Variants in KIAA1217 observed in about 807,000 individuals in gnomAD.
KIAA1217 encodes the protein sickle tail protein homolog.
A neutral mutation model predicts 163.9 loss-of-function variants in KIAA1217; 88 were observed. That is an observed-to-expected ratio of 0.54 (90% CI 0.45 to 0.64). The LOEUF (loss-of-function observed/expected upper bound fraction) is 0.64, where lower values mean the gene tolerates loss of function less well. Among genes scored for constraint, KIAA1217 ranks in the 30% least tolerant of loss-of-function variants. The pLI is 0.00. For missense variants in KIAA1217, 2,372 were observed against 2,475.0 expected (o/e 0.96, Z 0.88); for synonymous variants, 903 against 923.1 (o/e 0.98, Z 0.39).
chr10:24,414,538 A>G (rs1315670141), intron 3 of KIAA1217, among the ~76,000 whole-genome samples: 1 of 152,186 alleles, frequency 6.6e-6, no homozygotes, highest in Non-Finnish European at 1.5e-5. Flanking sequence ...TTGGAAAGCC[A>G]ACAATTGTCG....
In KIAA1217 at chr10:24,514,854, T is replaced by C. The variant is rs940253054; in HGVS notation, c.2177+1420T>C. Among the ~76,000 whole-genome samples, 13 of 151,340 alleles carry C rather than the reference T, an allele frequency of 8.6e-5. 1 individual carries two copies. The highest frequency in any genetic ancestry group is 1.9e-4 in the African/African-American group (8 of 41,376). ...AAAATACAAAAAAAATAGCTGGCCA[T>C]TGTGGTGTGTGCCTGTAGTCCCAGC... is the stretch of plus-strand genomic sequence containing the variant. On this transcript the variant is annotated intron_variant, in intron 10 of 20. Coordinates refer to ENST00000376454, the MANE Select transcript of KIAA1217 (RefSeq NM_019590.5).
chr10:23,951,661 C>T (rs1449807838), intron 1 of KIAA1217, among the ~76,000 whole-genome samples: 10 of 147,654 alleles, frequency 6.8e-5, no homozygotes, highest in African/African-American at 2.2e-4. Flanking sequence ...AGCAAGAGGA[C>T]GATTCCAGCT....
chr10:24,469,632 G>A (rs2132909152), intron 5 of KIAA1217, among the ~76,000 whole-genome samples: 1 of 151,962 alleles, frequency 6.6e-6, no homozygotes, highest in African/African-American at 2.4e-5. Flanking sequence ...GATTGATTGA[G>A]ACAGAGTCTC....
rs200408889 is a variant in KIAA1217, at chr10:24,056,521, GA to G, written c.-171+49157del. Among the ~76,000 whole-genome samples, 192 of 148,680 alleles carry G rather than the reference GA, an allele frequency of 1.3e-3. 1 individual carries two copies. In the South Asian group the frequency reaches 0.015, roughly 12 times the overall value. On this transcript the variant is annotated intron_variant, in intron 2 of 18. Transcript: ENST00000376462. ...CTAAAGTTATATTATCATACGACAG[GA>G]AAAAAAAAATCCAAAAGCCAAAAAT...
At chr10:23,803,489 T>C (rs145602014) in intron 1 of KIAA1217, among the ~76,000 whole-genome samples, 1 of 152,296 alleles carries the variant, frequency 6.6e-6, no homozygotes, top group Non-Finnish European at 1.5e-5. Context: ...TCGCTTCTTA[T>C]GAGATCGGCT....
intron 1 of KIAA1217, among the ~76,000 whole-genome samples, chr10:23,946,443 A>G (rs1381406906): frequency 6.6e-6 from 1 of 152,114 alleles, no homozygotes; most frequent in African/African-American, 2.4e-5. Flanking sequence ...TTAATTATAT[A>G]TGCATTCATT....
rs780733782 is a variant in KIAA1217 at position 24,524,569 on chromosome 10, G to A, written c.2703G>A (p.Val901=). 3.7e-6 allele frequency: 6 copies of A among 1,613,888 alleles called. No individual in the cohort carries two copies. Among genetic ancestry groups the A allele is most frequent in the African/African-American group, 1.3e-5 (1 of 74,922 alleles). Residue 901 remains valine (V), a synonymous_variant, in exon 13 of 21, where the codon GTG becomes GTA. Transcript: ENST00000376454. The stretch of plus-strand genomic sequence containing the variant: ...TCATCCAGCCCTCCCAGCACTCCGT[G>A]GCCCTGCTGAACCCTGCTCAGAACT... The part of the protein sequence containing the change: ...PVVIQPSQHS[V]ALLNPAQNLP...
chr10:24,244,736 TC>T lies in KIAA1217; in HGVS notation c.354+24828del, dbSNP rs1278860631. Among the ~76,000 whole-genome samples the T allele has an allele frequency of 4.6e-5, 7 of 151,992 alleles. No individual in the cohort carries two copies. The East Asian group carries it at 1.4e-3, about 29-fold the overall frequency. ...TGTGCTACCATGCCCTGCTAATTTT[TC>T]TAATTTTAGTAGAGACAGGGTTTTG... On this transcript the variant is annotated intron_variant, in intron 2 of 20. Transcript: ENST00000376454.
chr10:24,100,716 C>G (rs1377777521), intron 2 of KIAA1217, among the ~76,000 whole-genome samples: 1 of 152,182 alleles, frequency 6.6e-6, no homozygotes, highest in African/African-American at 2.4e-5. Context: ...GAAATCAATT[C>G]TCATACTATA....
chr10:24,352,782 G>A (rs1564523078), intron 2 of KIAA1217, among the ~76,000 whole-genome samples: 2 of 152,142 alleles, frequency 1.3e-5, no homozygotes, highest in Non-Finnish European at 2.9e-5. Flanking sequence ...CTTGCCAGAT[G>A]TTCCTAAGAG....
rs553726792 is a variant in KIAA1217, at chr10:24,447,505, C to T, written c.846+9026C>T. On this transcript the variant is annotated intron_variant, in intron 5 of 20. Transcript: ENST00000376454. ...TGTGGTGTTTGGTTTTCTGTCCACA[C>T]GTCTTAAGTGTCTTTCAGCTCTAAG... Among the ~76,000 whole-genome samples, 173 of 152,244 alleles carry T rather than the reference C, an allele frequency of 1.1e-3. 1 individual carries two copies. Among genetic ancestry groups the T allele is most frequent in the African/African-American group, 3.9e-3 (161 of 41,540 alleles).
intron 2 of KIAA1217, among the ~76,000 whole-genome samples, chr10:24,306,350 T>C (rs898355931): frequency 6.6e-6 from 1 of 152,186 alleles, no homozygotes; most frequent in Non-Finnish European, 1.5e-5. Flanking sequence ...TATGCAACAC[T>C]TGTGAAATCT....
intron 1 of KIAA1217, among the ~76,000 whole-genome samples, chr10:23,918,755 C>T (rs1028310822): frequency 5.9e-5 from 9 of 152,000 alleles, no homozygotes; most frequent in Admixed American, 2.6e-4. Context: ...CACACACACA[C>T]ACACACACAC....
At position 23,978,047 on chromosome 10, in the gene KIAA1217, C is replaced by T. The variant is rs75801104; in HGVS notation, c.-320-29178C>T. Among the ~76,000 whole-genome samples the T allele has an allele frequency of 2.1e-3, 323 of 152,306 alleles. 1 individual carries two copies. The highest frequency in any genetic ancestry group is 7.5e-3 in the African/African-American group (313 of 41,574). On this transcript the variant is annotated intron_variant, in intron 1 of 18. Coordinates refer to the KIAA1217 transcript ENST00000376462. ...ACTCCCACTGAGTTTCTCTTCCACT[C>T]TCCATTTTAAAAACATTTTCTTTAA...
chr10:23,953,656 T>C (rs936197530), intron 1 of KIAA1217, among the ~76,000 whole-genome samples: 4 of 152,178 alleles, frequency 2.6e-5, no homozygotes, highest in African/African-American at 9.7e-5. Flanking sequence ...ATGCATAAAA[T>C]AAAAGTAATA....
intron 1 of KIAA1217, among the ~76,000 whole-genome samples, chr10:23,860,164 G>C (rs1046582808): frequency 6.6e-6 from 1 of 152,096 alleles, no homozygotes; most frequent in Non-Finnish European, 1.5e-5. Flanking sequence ...GCAGCTCTGG[G>C]CAGGGCTCTC....
At chr10:24,226,234 C>T (rs980773565) in intron 2 of KIAA1217, among the ~76,000 whole-genome samples, 1 of 151,914 alleles carries the variant, frequency 6.6e-6, no homozygotes, top group Non-Finnish European at 1.5e-5. Flanking sequence ...TAAAGGTTTT[C>T]TTCCACCTCT....
At chr10:24,122,362 G>A (rs1007048570) in intron 2 of KIAA1217, among the ~76,000 whole-genome samples, 1 of 152,112 alleles carries the variant, frequency 6.6e-6, no homozygotes, top group Non-Finnish European at 1.5e-5. Flanking sequence ...ATTCCCGGGT[G>A]TATATGTACC....
chr10:24,493,318 G>A (rs1005118205), intron 6 of KIAA1217, among the ~76,000 whole-genome samples: 1 of 152,222 alleles, frequency 6.6e-6, no homozygotes, highest in Non-Finnish European at 1.5e-5. Flanking sequence ...TCAGGCTCAT[G>A]CAAGGACACT....
Sources: gnomAD v4.1 joint callset for allele counts (sites outside exome capture counted in the v4.1 genomes callset) on GRCh38, gnomAD v4.1.1 for gene constraint, MANE v1.5 for transcripts, NCBI Gene and HGNC (gene_info 2026-07-23, HGNC 2026-07-21) for gene names.